SCP2: variants seen among roughly 807,000 people sequenced by gnomAD.
SCP2 encodes sterol carrier protein 2, also known as SCP-2/3-oxoacyl-CoA thiolase.
A neutral mutation model predicts 71.4 loss-of-function variants in SCP2; 48 were observed. The observed-to-expected ratio is 0.67, with a 90% CI of 0.53 to 0.86. SCP2 has a LOEUF of 0.86. Among genes scored for constraint, SCP2 ranks in the 40% least tolerant of loss-of-function variants. The pLI is 0.00. For synonymous variants in SCP2, 220 were observed against 218.1 expected (o/e 1.01, Z -0.08); for missense variants, 560 against 655.6 (o/e 0.85, Z 1.59).
chr1:52,945,108 AT>A (rs1654654306), intron 2 of SCP2, among the ~76,000 whole-genome samples: 1 of 152,134 alleles, frequency 6.6e-6, no homozygotes, highest in South Asian at 2.1e-4. Flanking sequence ...CACTATTAGT[AT>A]CTTGGTGTTA....
chr1:52,949,587 A>G (rs1046393064), intron 3 of SCP2, among the ~76,000 whole-genome samples: 2 of 152,160 alleles, frequency 1.3e-5, no homozygotes, highest in Non-Finnish European at 2.9e-5. Flanking sequence ...GGGACCTCAC[A>G]TTCTGTATTT....
At chr1:53,050,470 C>T (rs539962012) in intron 15 of SCP2, 139 bp from the exon 16 acceptor site, 1 of 637,222 alleles carries the variant, frequency 1.6e-6, no homozygotes, top group South Asian at 1.7e-5. Flanking sequence ...CAAATCTATT[C>T]CAGAAAGCCA....
chr1:53,039,194 C>A, intron 14 of SCP2, 148 bp downstream of exon 14: 2 of 963,112 alleles, frequency 2.1e-6, no homozygotes, highest in Non-Finnish European at 3.1e-6. Context: ...AGGAACAGGT[C>A]AAAGCCACCT....
chr1:52,959,166 T>C (rs1184103857), intron 5 of SCP2, among the ~76,000 whole-genome samples: 1 of 151,376 alleles, frequency 6.6e-6, no homozygotes, highest in Non-Finnish European at 1.5e-5. Flanking sequence ...TCACATCTGG[T>C]CTGGTGACTT....
At chr1:53,024,779 C>G (rs1006096523) in intron 12 of SCP2, among the ~76,000 whole-genome samples, 3 of 152,062 alleles carry the variant, frequency 2.0e-5, no homozygotes, top group African/African-American at 7.2e-5. Context: ...ACTATGTTGG[C>G]CAGGCTGGTC....
chr1:53,023,824 C>T (rs959470323), intron 12 of SCP2, among the ~76,000 whole-genome samples: 1 of 152,084 alleles, frequency 6.6e-6, no homozygotes, highest in Non-Finnish European at 1.5e-5. Flanking sequence ...CTAGTAGGCT[C>T]TCTTTTCAAT....
intron 13 of SCP2, among the ~76,000 whole-genome samples, chr1:53,037,911 CA>C (rs1663095224): frequency 7.9e-6 from 1 of 127,024 alleles, no homozygotes; most frequent in Admixed American, 7.8e-5. Flanking sequence ...CACACACACA[CA>C]CACACACACA....
At chr1:52,993,540 A>G (rs1659690853) in intron 11 of SCP2, 2 of 1,612,238 alleles carry the variant, frequency 1.2e-6, no homozygotes, top group South Asian at 2.2e-5. Flanking sequence ...GAAAAGACCA[A>G]CAGGAAGCCC....
chr1:52,987,327 G>A (rs561745985), intron 10 of SCP2, among the ~76,000 whole-genome samples: 2 of 152,192 alleles, frequency 1.3e-5, no homozygotes, highest in Admixed American at 6.5e-5. Flanking sequence ...AGTGCTCAAA[G>A]CTATTAGCTA....
chr1:53,035,036 C>T (rs577786953), intron 13 of SCP2, among the ~76,000 whole-genome samples: 76 of 151,358 alleles, frequency 5.0e-4, no homozygotes, highest in Middle Eastern at 3.4e-3. Flanking sequence ...ACCTGGGAGG[C>T]GGAGCTTGCA....
At chr1:53,011,754 C>G (rs977989610) in intron 11 of SCP2, among the ~76,000 whole-genome samples, 5 of 152,182 alleles carry the variant, frequency 3.3e-5, no homozygotes, top group African/African-American at 1.2e-4. Flanking sequence ...TCATCGGTAT[C>G]TGTAAAAGAA....
At chr1:53,010,541 C>T (rs1429986802) in intron 11 of SCP2, among the ~76,000 whole-genome samples, 1 of 152,214 alleles carries the variant, frequency 6.6e-6, no homozygotes, top group Admixed American at 6.5e-5. Context: ...GAAAACCAAA[C>T]ACCACATGTT....
chr1:53,023,293 G>T (rs79148187), intron 12 of SCP2, among the ~76,000 whole-genome samples: 259 of 152,320 alleles, frequency 1.7e-3, no homozygotes, highest in African/African-American at 5.7e-3. Context: ...TTGGAAAAGG[G>T]CACAATGATG....
intron 11 of SCP2, chr1:52,993,575 C>T (rs1166194077): frequency 2.5e-6 from 4 of 1,611,476 alleles, no homozygotes; most frequent in Non-Finnish European, 3.4e-6. Flanking sequence ...ATACTGTTCT[C>T]TCATGGCTCC....
At chr1:52,965,578 C>CTT (rs1476038061) in intron 6 of SCP2, among the ~76,000 whole-genome samples, 1 of 152,122 alleles carries the variant, frequency 6.6e-6, no homozygotes, top group Non-Finnish European at 1.5e-5. Context: ...TGCACATGGA[C>CTT]TTTTCACTGG....
At chr1:52,942,703 T>G (rs1226163228) in intron 2 of SCP2, among the ~76,000 whole-genome samples, 1 of 149,226 alleles carries the variant, frequency 6.7e-6, no homozygotes, top group Non-Finnish European at 1.5e-5. Flanking sequence ...GGTTTTTTTT[T>G]TTTTTTTTTT....
intron 11 of SCP2, chr1:52,996,093 C>G: frequency 5.3e-6 from 4 of 749,252 alleles, no homozygotes; most frequent in Non-Finnish European, 7.6e-6. Flanking sequence ...CCCCTTTTCT[C>G]TACCTCAGAA....
chr1:52,986,783 A>G (rs753243830), intron 10 of SCP2, among the ~76,000 whole-genome samples: 4 of 151,502 alleles, frequency 2.6e-5, no homozygotes, highest in Admixed American at 6.6e-5. Flanking sequence ...TTTTTCTAAG[A>G]CCTCCCACAG....
intron 11 of SCP2, among the ~76,000 whole-genome samples, chr1:52,989,761 G>A (rs1285881953): frequency 6.6e-6 from 1 of 152,020 alleles, no homozygotes; most frequent in Non-Finnish European, 1.5e-5. Flanking sequence ...GCCAATTGGG[G>A]TAAACAACAA....
Sources: allele counts gnomAD v4.1 joint callset (sites outside exome capture counted in the v4.1 genomes callset), GRCh38; gene constraint gnomAD v4.1.1; transcripts MANE v1.5; gene names NCBI Gene and HGNC (gene_info 2026-07-23, HGNC 2026-07-21).